Variants in ZNF384 observed in about 807,000 individuals in gnomAD.
ZNF384 encodes the protein CAG repeat protein 1.
In ZNF384, 20 loss-of-function variants were observed where a neutral mutation model predicts 65.0. That is an observed-to-expected ratio of 0.31 (90% CI 0.22 to 0.45). ZNF384 has a LOEUF of 0.45. Ranked by LOEUF, ZNF384 falls within the 20% of genes least tolerant of loss-of-function variation. The probability of loss-of-function intolerance (pLI) is 1.00; values close to 1 mark genes in which losing one functional copy is unlikely to be tolerated. For missense variants in ZNF384, 549 were observed against 769.4 expected (o/e 0.71, Z 3.39); for synonymous variants, 310 against 303.9 (o/e 1.02, Z -0.21).
intron 3 of ZNF384, 132 bp from the exon 4 acceptor site, chr12:6,679,315 G>T: frequency 8.3e-7 from 1 of 1,211,306 alleles, no homozygotes; most frequent in Non-Finnish European, 1.2e-6. Context: ...TGGCCTTCTA[G>T]AGAGAAGCCC....
In ZNF384 at chr12:6,672,661, A is replaced by C. The variant is rs992138031; in HGVS notation, c.1005-129T>G. 1 of 880,992 alleles carries C rather than the reference A, an allele frequency of 1.1e-6. No homozygotes were observed. Among genetic ancestry groups the C allele is most frequent in the South Asian group, 1.7e-5 (1 of 58,722 alleles). The allele number at this position is 880,992 out of a possible 1,614,324, so 54.6% of individuals were successfully genotyped here. Reference sequence around the variant, plus strand: ...CCCCTTCCTCCCTCCTCCCAAAAACACTCCAGCCTGGATAGGCAAATGAAG... The same window carrying C: ...CCCCTTCCTCCCTCCTCCCAAAAACCCTCCAGCCTGGATAGGCAAATGAAG... On this transcript the variant is annotated intron_variant, in intron 8 of 11. Transcript: ENST00000683879. This position sits in a 1 kb window ranked among gnomAD's most constrained non-coding sequence, Gnocchi z 4.4.
At chr12:6,674,283 T>G (rs1952668286) in intron 7 of ZNF384, among the ~76,000 whole-genome samples, 1 of 152,236 alleles carries the variant, frequency 6.6e-6, no homozygotes, top group Admixed American at 6.5e-5. Flanking sequence ...CATCCCAAGC[T>G]GGTAATCCTT....
At chr12:6,682,437 T>C (rs996041437) in intron 2 of ZNF384, among the ~76,000 whole-genome samples, 12 of 152,176 alleles carry the variant, frequency 7.9e-5, no homozygotes, top group Admixed American at 1.3e-4. Flanking sequence ...GGTGGACAGA[T>C]TGCTTGAGTC....
At chr12:6,686,538 G>A (rs920828924) in intron 2 of ZNF384, among the ~76,000 whole-genome samples, 1 of 152,246 alleles carries the variant, frequency 6.6e-6, no homozygotes, top group African/African-American at 2.4e-5. Flanking sequence ...ACAGGCGTAA[G>A]CCACCGTGCC....
At position 6,672,045 on chromosome 12, in the gene ZNF384, G is replaced by GT. The variant is rs1475094757; in HGVS notation, c.1187+304dup. ...CAAATCTTCCAAGATGGGTACATGA[G>GT]TATTTTCAGGGAGGAAAATTAGAGA... On this transcript the variant is annotated intron_variant, in intron 9 of 11. Transcript: ENST00000683879. This position sits in a 1 kb window ranked among gnomAD's most constrained non-coding sequence, Gnocchi z 4.4. 1 of 315,670 alleles carries GT rather than the reference G, an allele frequency of 3.2e-6. No individual in the cohort carries two copies. Among genetic ancestry groups the GT allele is most frequent in the African/African-American group, 2.1e-5 (1 of 46,586 alleles). 19.6% of individuals were successfully genotyped at this position (315,670 alleles called of 1,614,324 possible). A position where few individuals can be genotyped will look rare whatever the true frequency, so the allele number is the denominator to read the frequency against.
At position 6,686,267 on chromosome 12, in the gene ZNF384, T is replaced by C. The variant is rs192977333; in HGVS notation, c.-6+1900A>G. Among the ~76,000 whole-genome samples the C allele has an allele frequency of 8.8e-4, 134 of 152,348 alleles. 1 individual carries two copies. Among genetic ancestry groups the C allele is most frequent in the Non-Finnish European group, 1.6e-3 (110 of 68,024 alleles). On this transcript the variant is annotated intron_variant, in intron 2 of 11. Coordinates refer to ENST00000683879, the MANE Select transcript of ZNF384 (RefSeq NM_001385745.1). ...GGAATCAAGACTTCTGAATTCTTTT[T>C]TTATGAGACAGAGTCTCATTTTGTT...
chr12:6,669,275 T>C, intron 10 of ZNF384, 86 bp from the exon 11 acceptor site: 2 of 1,369,460 alleles, frequency 1.5e-6, no homozygotes, highest in Non-Finnish European at 2.0e-6. Flanking sequence ...AAAAGGTAGG[T>C]GTCAGGCCTC....
chr12:6,677,196 G>A lies in ZNF384; in HGVS notation c.750C>T (p.Gly250=), dbSNP rs1170313294. 8.1e-7 allele frequency: 1 copy of A among 1,231,300 alleles called. No individual in the cohort carries two copies. The highest frequency in any genetic ancestry group is 1.1e-6 in the Non-Finnish European group (1 of 927,754). The allele number at this position is 1,231,300 out of a possible 1,614,324, so 76.3% of individuals were successfully genotyped here. Residue 250 remains glycine (G), a synonymous_variant, in exon 7 of 12, where the codon GGC becomes GGT. Transcript: ENST00000683879. The part of the protein sequence containing the change: ...QSLGLMDSVP[G]STTNLLCDPG... ...GGTCACACAGCAAATTCGTGGTGGAGCCGGGAACTGAATCCATGAGCCCAA... is the reference window on the plus strand; with the variant it reads ...GGTCACACAGCAAATTCGTGGTGGAACCGGGAACTGAATCCATGAGCCCAA...
Position 6,667,647 on chromosome 12 carries a change from CA to C in ZNF384, c.*66del. On this transcript the variant is annotated 3_prime_UTR_variant, in exon 12 of 12. Coordinates refer to ENST00000683879, the MANE Select transcript of ZNF384 (RefSeq NM_001385745.1). ...CAAGGAAGAAAAGGACTTTTCCCAC[CA>C]AGAGTTGGAGAAAGAAGACACCAGG... 6.2e-7 allele frequency: 1 copy of C among 1,607,724 alleles called. No homozygotes were observed. The highest frequency in any genetic ancestry group is 8.5e-7 in the Non-Finnish European group (1 of 1,175,886).
chr12:6,671,627 G>C (rs1169345396), intron 9 of ZNF384: 1 of 152,388 alleles, frequency 6.6e-6, no homozygotes, highest in South Asian at 2.1e-4. Flanking sequence ...TCACTTTAAG[G>C]TGAGATCATC....
At position 6,685,336 on chromosome 12, in the gene ZNF384, G is replaced by GAA. The variant is rs1555097835; in HGVS notation, c.-6+2829_-6+2830dup. Among the ~76,000 whole-genome samples, 42 of 143,506 alleles carry GAA rather than the reference G, an allele frequency of 2.9e-4. 1 individual carries two copies. The highest frequency in any genetic ancestry group is 4.0e-4 in the Non-Finnish European group (26 of 65,218). 94.1% of individuals were successfully genotyped at this position (143,506 alleles called of 152,430 possible). On this transcript the variant is annotated intron_variant, in intron 2 of 11. Transcript: ENST00000683879. ...AGACCCTGTCTCAAAAAGAAAAAAAGAAAAAGAAATAGAAAGGAAAGAAAA... is the reference window on the plus strand; with the variant it reads ...AGACCCTGTCTCAAAAAGAAAAAAAGAAAAAAAGAAATAGAAAGGAAAGAAAA...
intron 2 of ZNF384, among the ~76,000 whole-genome samples, chr12:6,686,496 C>T (rs1957957720): frequency 6.6e-6 from 1 of 152,220 alleles, no homozygotes; most frequent in South Asian, 2.1e-4. Flanking sequence ...TCAGGTGATC[C>T]GCTCTCCTCA....
chr12:6,673,924 TC>T lies in ZNF384; in HGVS notation c.780-485del, dbSNP rs1952523066. ...TAGATAATTTTCTTCCCTCAGATTTTCCCCTACTTCCTTTTTGGCAGCGATT... is the reference window on the plus strand; with the variant it reads ...TAGATAATTTTCTTCCCTCAGATTTTCCCTACTTCCTTTTTGGCAGCGATT... On this transcript the variant is annotated intron_variant, in intron 7 of 11. Transcript: ENST00000683879. The surrounding 1 kb of genome is among the most constrained non-coding windows in gnomAD (Gnocchi z 4.7). Among the ~76,000 whole-genome samples, 1 of 152,122 alleles carries T rather than the reference TC, an allele frequency of 6.6e-6. No homozygotes were observed. The highest frequency in any genetic ancestry group is 1.5e-5 in the Non-Finnish European group (1 of 68,024).
rs139391590 is a variant in ZNF384, at chr12:6,678,980, C to T, written c.270G>A (p.Val90=). ...SQASVTQNIT[V]VPVPSTGLMT... is the part of the protein sequence containing the mutation. The stretch of plus-strand genomic sequence containing the variant: ...TCAGTCCTGTAGACGGCACAGGGAC[C>T]ACCGTGATATTCTGGGTAACGGACG... Residue 90 remains valine, a synonymous_variant, in exon 4 of 12, where the codon GTG becomes GTA. Transcript: ENST00000683879. This position sits in a 1 kb window ranked among gnomAD's most constrained non-coding sequence, Gnocchi z 4.9. 2 of 1,614,088 alleles carry T rather than the reference C, an allele frequency of 1.2e-6. No individual in the cohort carries two copies. The highest frequency in any genetic ancestry group is 2.2e-5 in the East Asian group (1 of 44,874).
chr12:6,667,914 GC>G lies in ZNF384; in HGVS notation c.1626del (p.Gln542HisfsTer38), dbSNP rs780281956. 115 of 1,579,474 alleles carry G rather than the reference GC, an allele frequency of 7.3e-5. 1 individual carries two copies. In the East Asian group the frequency reaches 2.6e-3, roughly 36 times the overall value. ...TGTGGTGGTGGCTGTTGCTGCTGCT[GC>G]TGCTGCTGCTGCTGCTGCTGCTGCT... Reference protein sequence around the residue: ...QQQQQQQQQQQQQQQQPPPHF... With the variant: ...QQQQQQQQQQXQQQQQPPPHF... On this transcript the variant is annotated frameshift_variant, in exon 12 of 12. Coordinates refer to ENST00000683879, the MANE Select transcript of ZNF384 (RefSeq NM_001385745.1). LOFTEE classifies it high-confidence loss of function.
chr12:6,680,554 A>C (rs2137045529), intron 2 of ZNF384, among the ~76,000 whole-genome samples: 1 of 152,148 alleles, frequency 6.6e-6, no homozygotes, highest in South Asian at 2.1e-4. Context: ...AGGCTGAGGC[A>C]GGAGAACTGC....
chr12:6,679,410 C>G (rs1385285560), intron 3 of ZNF384, 45 bp downstream of exon 3: 1 of 1,554,864 alleles, frequency 6.4e-7, no homozygotes, highest in South Asian at 1.1e-5. Context: ...AGTAACAGAA[C>G]TTACTACTGA....
Position 6,667,804 on chromosome 12 carries a change from C to T in ZNF384, c.1737G>A (p.Leu579=). The T allele has an allele frequency of 6.2e-7, 1 of 1,614,204 alleles. No individual in the cohort carries two copies. The highest frequency in any genetic ancestry group is 8.5e-7 in the Non-Finnish European group (1 of 1,180,028). Residue 579 remains leucine, a synonymous_variant, in exon 12 of 12, where the codon CTG becomes CTA. Transcript: ENST00000683879. ...PNPPPQCSFD[L]TPYKTAEHHK... The stretch of plus-strand genomic sequence containing the variant: ...GATGCTCCGCCGTCTTATACGGGGT[C>T]AGGTCAAAGGAACACTGGGGTGGAG...
At position 6,677,214 on chromosome 12, in the gene ZNF384, G is replaced by A; in HGVS notation, c.732C>T (p.Leu244=). The change falls in exon 7 of 12, where the codon CTC becomes CTT. Residue 244 remains leucine (L), a synonymous_variant. Transcript: ENST00000683879. ...TGGTGGAGCCGGGAACTGAATCCAT[G>A]AGCCCAAGGCTCTGTCCATTTCCTG... is the stretch of plus-strand genomic sequence containing the variant. The part of the protein sequence containing the change: ...CGTGNGQSLG[L]MDSVPGSTTN... 7.7e-7 allele frequency: 1 copy of A among 1,295,000 alleles called. No individual in the cohort carries two copies. Among genetic ancestry groups the A allele is most frequent in the Non-Finnish European group, 1.0e-6 (1 of 985,434 alleles). The allele number at this position is 1,295,000 out of a possible 1,614,324, so 80.2% of individuals were successfully genotyped here. A position where few individuals can be genotyped will look rare whatever the true frequency, so the allele number is the denominator to read the frequency against.
Sources: allele counts gnomAD v4.1 joint callset (sites outside exome capture counted in the v4.1 genomes callset), GRCh38; gene constraint gnomAD v4.1.1; non-coding constraint Gnocchi (gnomAD v3.1); transcripts MANE v1.5; gene names NCBI Gene and HGNC (gene_info 2026-07-23, HGNC 2026-07-21).